Variants in GRIK4 observed in about 807,000 individuals in gnomAD.
The protein encoded by GRIK4 is glutamate ionotropic receptor kainate type subunit 4.
In GRIK4, 40 loss-of-function variants were observed where a neutral mutation model predicts 104.9. That is an observed-to-expected ratio of 0.38 (90% CI 0.30 to 0.50). The LOEUF (loss-of-function observed/expected upper bound fraction) is 0.50. Among genes scored for constraint, GRIK4 ranks in the 20% least tolerant of loss-of-function variants. GRIK4 has a pLI of 0.93. For synonymous variants in GRIK4, 485 were observed against 524.9 expected, an observed-to-expected ratio of 0.92 and a Z score of 1.04; for missense variants, 1,047 against 1,308.1, an observed-to-expected ratio of 0.80 and a Z score of 3.08.
Position 120,925,774 on chromosome 11 carries a change from C to A in GRIK4, c.1477-14573C>A, listed in dbSNP as rs1591291588. The stretch of plus-strand genomic sequence containing the variant: ...TCACCTGAGGTCGGGAGTTCACGAC[C>A]AGTCTGGCCAACATGGTGAAACCCC... On this transcript the variant is annotated intron_variant, in intron 13 of 20. Transcript: ENST00000527524. 2.6e-5 allele frequency among the ~76,000 whole-genome samples: 4 copies of A among 152,190 alleles called. No individual in the cohort carries two copies. In the East Asian group the frequency reaches 7.7e-4, roughly 29 times the overall value.
chr11:120,726,228 T>C (rs1373166282), intron 3 of GRIK4, among the ~76,000 whole-genome samples: 4 of 152,206 alleles, frequency 2.6e-5, no homozygotes. Flanking sequence ...GTCACAATTA[T>C]GTAGGGTCTT....
chr11:120,984,977 C>T (rs556277024), intron 20 of GRIK4, among the ~76,000 whole-genome samples: 30 of 151,778 alleles, frequency 2.0e-4, no homozygotes, highest in Non-Finnish European at 2.6e-4. Context: ...TACAGGCACA[C>T]GCCACCACGC....
At chr11:120,516,534 G>A (rs1947726798) in intron 1 of GRIK4, among the ~76,000 whole-genome samples, 1 of 151,966 alleles carries the variant, frequency 6.6e-6, no homozygotes. Context: ...GAGGGCCCTG[G>A]CCACCAAACA....
chr11:120,746,800 A>G (rs1951446830), intron 3 of GRIK4, among the ~76,000 whole-genome samples: 4 of 152,200 alleles, frequency 2.6e-5, no homozygotes. Context: ...ATCTTTTCTA[A>G]GCACGTCACT....
chr11:120,893,449 T>G (rs1942474010), intron 11 of GRIK4, among the ~76,000 whole-genome samples: 1 of 152,232 alleles, frequency 6.6e-6, no homozygotes, highest in Non-Finnish European at 1.5e-5. Context: ...GTGGAACCAA[T>G]TAAGCAGCCA....
rs184178894 is a variant in GRIK4, at chr11:120,689,028, G to A, written c.82+28628G>A. 1.9e-3 allele frequency among the ~76,000 whole-genome samples: 289 copies of A among 152,232 alleles called. 4 individuals are homozygous for A. Among genetic ancestry groups the A allele is most frequent in the South Asian group, 6.2e-3 (30 of 4,814 alleles). On this transcript the variant is annotated intron_variant, in intron 3 of 20. Coordinates refer to ENST00000527524, the MANE Select transcript of GRIK4 (RefSeq NM_014619.5). ...GGTAGAGGCTGACAAGTAACCAGAT[G>A]ATCAATAACAATAGTCCTAGGTGCT...
chr11:120,653,985 A>G (rs1949660116), intron 2 of GRIK4, among the ~76,000 whole-genome samples, 193 bp downstream of exon 2: 1 of 152,158 alleles, frequency 6.6e-6, no homozygotes, highest in African/African-American at 2.4e-5. Flanking sequence ...AGGGTTGTCA[A>G]ATAGATGGGG....
At chr11:120,742,526 A>ATT (rs138311151) in intron 3 of GRIK4, among the ~76,000 whole-genome samples, 83 of 146,266 alleles carry the variant, frequency 5.7e-4, no homozygotes, top group Middle Eastern at 3.5e-3. Flanking sequence ...TATTATTATT[A>ATT]TTTTTTTTTG....
At chr11:120,795,153 A>G (rs1333717234) in intron 3 of GRIK4, among the ~76,000 whole-genome samples, 1 of 152,272 alleles carries the variant, frequency 6.6e-6, no homozygotes, top group Non-Finnish European at 1.5e-5. Context: ...AAGACTCTCC[A>G]GTAAAACCTC....
At chr11:120,515,007 A>T (rs1437307402) in intron 1 of GRIK4, 5 of 456,282 alleles carry the variant, frequency 1.1e-5, no homozygotes, top group Non-Finnish European at 2.2e-5. Context: ...CTCACAGGGG[A>T]CCCTGTCTCA....
intron 1 of GRIK4, among the ~76,000 whole-genome samples, chr11:120,624,778 C>A (rs1435321733): frequency 2.0e-5 from 3 of 152,216 alleles, no homozygotes; most frequent in Non-Finnish European, 4.4e-5. Context: ...ACCTCACCTT[C>A]TGCCCTTCAG....
chr11:120,901,853 G>A (rs1233794123), intron 12 of GRIK4, among the ~76,000 whole-genome samples: 1 of 152,216 alleles, frequency 6.6e-6, no homozygotes, highest in Non-Finnish European at 1.5e-5. Flanking sequence ...GTGTGCACGT[G>A]TGCTTATTCA....
chr11:120,757,628 A>G (rs575642244), intron 3 of GRIK4, among the ~76,000 whole-genome samples: 7 of 152,244 alleles, frequency 4.6e-5, no homozygotes, highest in African/African-American at 1.7e-4. Context: ...CCAGACCCCT[A>G]TATTTTATTT....
rs576859170 is a variant in GRIK4, at chr11:120,651,367, G to A, written c.-158-2318G>A. 1.2e-4 allele frequency among the ~76,000 whole-genome samples: 18 copies of A among 152,332 alleles called. No homozygotes were observed. In the South Asian group the frequency reaches 3.5e-3, roughly 30 times the overall value. ...GCCCAAGGATGCATAGTGACAACTG[G>A]AATTGGAAGCCAGGGATGTCTTATC... On this transcript the variant is annotated intron_variant, in intron 1 of 20. Transcript: ENST00000527524.
At chr11:120,591,328 C>T (rs1948729961) in intron 1 of GRIK4, among the ~76,000 whole-genome samples, 1 of 152,004 alleles carries the variant, frequency 6.6e-6, no homozygotes, top group South Asian at 2.1e-4. Flanking sequence ...CCTCCCAAGC[C>T]TGTATGTAGC....
At chr11:120,691,144 T>G (rs1950354244) in intron 3 of GRIK4, among the ~76,000 whole-genome samples, 1 of 152,218 alleles carries the variant, frequency 6.6e-6, no homozygotes, top group Admixed American at 6.5e-5. Flanking sequence ...CTGATGACGC[T>G]GTTGCATGTT....
chr11:120,538,492 T>C (rs1948001426), intron 1 of GRIK4, among the ~76,000 whole-genome samples: 1 of 152,246 alleles, frequency 6.6e-6, no homozygotes. Context: ...CCAAGCAGAT[T>C]TCCCTTTCCT....
intron 6 of GRIK4, among the ~76,000 whole-genome samples, chr11:120,824,382 C>T (rs1383072298): frequency 6.6e-6 from 1 of 152,174 alleles, no homozygotes. Context: ...AGTTGGGGCT[C>T]ACCACTGTGG....
intron 1 of GRIK4, among the ~76,000 whole-genome samples, chr11:120,622,230 G>A (rs1426932705): frequency 6.6e-6 from 1 of 152,078 alleles, no homozygotes; most frequent in African/African-American, 2.4e-5. Flanking sequence ...TGACAAATGT[G>A]CAACCACCAC....
Sources: allele counts gnomAD v4.1 joint callset (sites outside exome capture counted in the v4.1 genomes callset), GRCh38; gene constraint gnomAD v4.1.1; transcripts MANE v1.5; gene names NCBI Gene and HGNC (gene_info 2026-07-23, HGNC 2026-07-21).